Variants in FBXL17 observed in about 807,000 individuals in gnomAD.
FBXL17 encodes the protein F-box and leucine rich repeat protein 17.
Under a neutral mutation model 66.2 loss-of-function variants are expected in FBXL17, and 22 were observed. The observed-to-expected ratio is 0.33, with a 90% confidence interval of 0.24 to 0.47. The LOEUF (loss-of-function observed/expected upper bound fraction) is 0.47, where lower values mean the gene tolerates loss of function less well. Ranked by LOEUF, FBXL17 falls within the 20% of genes least tolerant of loss-of-function variation. The pLI is 1.00. For synonymous variants in FBXL17, 474 were observed against 400.5 expected, an observed-to-expected ratio of 1.18 and a Z score of -2.19; for missense variants, 878 against 948.2, an observed-to-expected ratio of 0.93 and a Z score of 0.97.
intron 7 of FBXL17, among the ~76,000 whole-genome samples, chr5:107,915,672 T>G (rs1307782661): frequency 1.3e-5 from 2 of 152,212 alleles, no homozygotes; most frequent in Non-Finnish European, 2.9e-5. Context: ...CATGTAGAAG[T>G]AAAAGTAATT....
At chr5:108,138,725 G>C (rs566554000) in intron 6 of FBXL17, among the ~76,000 whole-genome samples, 64 of 152,260 alleles carry the variant, frequency 4.2e-4, no homozygotes, top group African/African-American at 1.4e-3. Flanking sequence ...GCAACAGGGA[G>C]ACATTGGAAA....
intron 7 of FBXL17, among the ~76,000 whole-genome samples, chr5:107,911,620 TCACAGTCAG>T (rs1749949996): frequency 6.6e-6 from 1 of 152,090 alleles, no homozygotes; most frequent in Non-Finnish European, 1.5e-5. Flanking sequence ...GTTCCAGACC[TCACAGTCAG>T]TAAGTGACAG....
chr5:107,925,575 A>G (rs1296365237), intron 7 of FBXL17, among the ~76,000 whole-genome samples: 1 of 152,246 alleles, frequency 6.6e-6, no homozygotes, highest in Non-Finnish European at 1.5e-5. Context: ...CCCCTGGCCA[A>G]TGACAGAAAG....
At chr5:107,878,526 T>TA (rs1748682632) in intron 8 of FBXL17, 1 of 873,476 alleles carries the variant, frequency 1.1e-6, no homozygotes, top group African/African-American at 1.8e-5. Flanking sequence ...GTGACACAAC[T>TA]AGTAAGTGCA....
intron 4 of FBXL17, among the ~76,000 whole-genome samples, chr5:108,277,065 TA>T (rs1461622846): frequency 6.6e-6 from 1 of 152,146 alleles, no homozygotes; most frequent in African/African-American, 2.4e-5. Flanking sequence ...TTACTTAAAA[TA>T]AATGCCATTC....
At chr5:107,992,366 T>C (rs1296896807) in intron 7 of FBXL17, among the ~76,000 whole-genome samples, 1 of 152,134 alleles carries the variant, frequency 6.6e-6, no homozygotes, top group African/African-American at 2.4e-5. Flanking sequence ...ATTTTCTAAT[T>C]TGGTGTAGCA....
intron 1 of FBXL17, among the ~76,000 whole-genome samples, chr5:108,378,303 C>T (rs576176495): frequency 1.6e-3 from 242 of 148,770 alleles, no homozygotes; most frequent in African/African-American, 5.9e-3. Flanking sequence ...ATTTCTCTCC[C>T]AAATTCTACC....
intron 6 of FBXL17, among the ~76,000 whole-genome samples, chr5:108,125,191 C>T (rs1276685223): frequency 6.6e-6 from 1 of 151,900 alleles, no homozygotes; most frequent in Non-Finnish European, 1.5e-5. Flanking sequence ...TGTAATGCAA[C>T]ATAAATGAGC....
chr5:108,318,645 G>A (rs780642853), intron 4 of FBXL17, among the ~76,000 whole-genome samples: 56 of 151,790 alleles, frequency 3.7e-4, no homozygotes, highest in Non-Finnish European at 6.5e-4. Context: ...CTGGCACTCC[G>A]TGCAATCATA....
intron 3 of FBXL17, 126 bp from the exon 4 acceptor site, chr5:108,348,656 T>C: frequency 2.1e-6 from 2 of 954,138 alleles, no homozygotes; most frequent in Non-Finnish European, 3.1e-6. Flanking sequence ...ACTTGTAAAA[T>C]AAGATAGAAT....
chr5:108,265,012 T>C (rs1756990083), intron 4 of FBXL17, among the ~76,000 whole-genome samples: 1 of 151,982 alleles, frequency 6.6e-6, no homozygotes, highest in Non-Finnish European at 1.5e-5. Context: ...ATCCTCTATA[T>C]TAAAAGATTA....
chr5:108,334,577 T>C (rs181839420), intron 4 of FBXL17, among the ~76,000 whole-genome samples: 1 of 152,334 alleles, frequency 6.6e-6, no homozygotes, highest in East Asian at 1.9e-4. Context: ...AGGGTACCAA[T>C]GACAGCAGAA....
intron 6 of FBXL17, among the ~76,000 whole-genome samples, chr5:108,183,914 A>G (rs1753116140): frequency 6.6e-6 from 1 of 152,218 alleles, no homozygotes; most frequent in African/African-American, 2.4e-5. Flanking sequence ...ATATTATTCA[A>G]AAACAAGAGA....
intron 4 of FBXL17, among the ~76,000 whole-genome samples, chr5:108,242,678 T>A (rs1755913597): frequency 6.6e-6 from 1 of 152,184 alleles, no homozygotes; most frequent in Non-Finnish European, 1.5e-5. Flanking sequence ...TTTAACAGTC[T>A]TTTAGCTTCA....
intron 6 of FBXL17, among the ~76,000 whole-genome samples, chr5:108,043,070 G>C (rs781692453): frequency 6.6e-6 from 1 of 152,070 alleles, no homozygotes; most frequent in Non-Finnish European, 1.5e-5. Context: ...TTTTCTAACT[G>C]GCTTGTTTTT....
chr5:108,196,965 T>C (rs1164218312), intron 5 of FBXL17, among the ~76,000 whole-genome samples: 2 of 152,314 alleles, frequency 1.3e-5, no homozygotes, highest in East Asian at 3.9e-4. Flanking sequence ...TTTTAATCAC[T>C]GTCTGCTGCT....
chr5:107,981,702 G>A (rs1397967833), intron 7 of FBXL17, among the ~76,000 whole-genome samples: 2 of 151,912 alleles, frequency 1.3e-5, no homozygotes, highest in African/African-American at 4.9e-5. Context: ...TATGGCACCA[G>A]GGCAGGGAAC....
chr5:108,034,733 T>C (rs369221258), intron 6 of FBXL17, among the ~76,000 whole-genome samples: 9 of 152,186 alleles, frequency 5.9e-5, no homozygotes, highest in African/African-American at 4.8e-5. Context: ...ATAAGATTAA[T>C]GTTTTAAAAA....
chr5:107,884,965 A>G (rs1748915419), intron 7 of FBXL17, among the ~76,000 whole-genome samples: 1 of 152,230 alleles, frequency 6.6e-6, no homozygotes, highest in African/African-American at 2.4e-5. Context: ...GGCAAATGAT[A>G]GCATTATATA....
Sources: gnomAD v4.1 joint callset for allele counts (sites outside exome capture counted in the v4.1 genomes callset) on GRCh38, gnomAD v4.1.1 for gene constraint, MANE v1.5 for transcripts, NCBI Gene and HGNC (gene_info 2026-07-23, HGNC 2026-07-21) for gene names.